Variants in ZHX2 observed in about 807,000 individuals in gnomAD.
The protein encoded by ZHX2 is zinc fingers and homeoboxes 2, also known as zinc fingers and homeoboxes protein 2.
A neutral mutation model predicts 21.9 loss-of-function variants in ZHX2; 6 were observed. That is an observed-to-expected ratio of 0.27 (90% CI 0.15 to 0.54). The LOEUF (loss-of-function observed/expected upper bound fraction) is 0.54. Among genes scored for constraint, ZHX2 ranks in the 20% least tolerant of loss-of-function variants. ZHX2 has a pLI of 0.95. For synonymous variants in ZHX2, 434 were observed against 437.1 expected (o/e 0.99, Z 0.09); for missense variants, 908 against 1,090.7 (o/e 0.83, Z 2.36).
intron 1 of ZHX2, among the ~76,000 whole-genome samples, chr8:122,786,319 A>G (rs1817394699): frequency 1.3e-5 from 2 of 152,168 alleles, no homozygotes; most frequent in African/African-American, 4.8e-5. Flanking sequence ...CATTGCTTTA[A>G]ATCAAGGAGA....
intron 1 of ZHX2, among the ~76,000 whole-genome samples, chr8:122,819,641 G>C (rs1174985620): frequency 2.0e-5 from 3 of 152,216 alleles, no homozygotes; most frequent in African/African-American, 4.8e-5. Flanking sequence ...TGAAATTGGA[G>C]GGGGTGTCCT....
chr8:122,933,547 T>TG (rs1421219909), intron 2 of ZHX2, among the ~76,000 whole-genome samples: 1 of 152,106 alleles, frequency 6.6e-6, no homozygotes, highest in Non-Finnish European at 1.5e-5. Context: ...TACGATTCTT[T>TG]CCACACGGAG....
chr8:122,845,861 T>C (rs745846509), intron 1 of ZHX2, among the ~76,000 whole-genome samples: 2 of 152,176 alleles, frequency 1.3e-5, no homozygotes, highest in Non-Finnish European at 2.9e-5. Flanking sequence ...CCACAACACA[T>C]AGGGCCTGGA....
rs779507897 is a variant in ZHX2, at chr8:122,953,687, T to C, written c.2177T>C (p.Val726Ala). The C allele has an allele frequency of 9.3e-6, 15 of 1,614,192 alleles. No individual in the cohort carries two copies. Among genetic ancestry groups the C allele is most frequent in the Non-Finnish European group, 1.1e-5 (13 of 1,180,042 alleles). The part of the protein sequence containing the change: ...MAESPKNGGD[V>A]VPQYYKDPKK... The stretch of plus-strand genomic sequence containing the variant: ...GAGAGCCCAAAGAACGGGGGTGATG[T>C]GGTTCCACAATATTACAAGGACCCC... The change falls in exon 3 of 4, where the codon GTG (valine) becomes GCG (alanine). Residue 726 changes from valine to alanine, a missense_variant. Around this residue, in one of 4 missense-constraint regions of ZHX2, gnomAD observed 431 missense variants for 428.6 expected, o/e 1.01. Transcript: ENST00000314393. This position sits in a 1 kb window ranked among gnomAD's most constrained non-coding sequence, Gnocchi z 4.6.
intron 2 of ZHX2, among the ~76,000 whole-genome samples, chr8:122,890,570 T>C (rs183046190): frequency 9.6e-4 from 147 of 152,332 alleles, no homozygotes; most frequent in African/African-American, 3.2e-3. Context: ...TTAACAATAC[T>C]AATTCTTCTA....
chr8:122,932,269 G>A (rs1242022772), intron 2 of ZHX2, among the ~76,000 whole-genome samples: 1 of 151,806 alleles, frequency 6.6e-6, no homozygotes, highest in Non-Finnish European at 1.5e-5. Flanking sequence ...GCTGCTGTTA[G>A]AAATTACCAC....
intron 2 of ZHX2, among the ~76,000 whole-genome samples, chr8:122,904,536 G>A (rs1461832649): frequency 1.3e-5 from 2 of 152,182 alleles, no homozygotes; most frequent in Admixed American, 6.6e-5. Flanking sequence ...CTCCCAGTCA[G>A]AGAGAGGTAT....
At chr8:122,906,020 G>A (rs768197635) in intron 2 of ZHX2, among the ~76,000 whole-genome samples, 2 of 152,158 alleles carry the variant, frequency 1.3e-5, no homozygotes, top group East Asian at 1.9e-4. Flanking sequence ...CCTCAATTAG[G>A]GAATGAGTTA....
chr8:122,875,737 C>T (rs761790467), intron 2 of ZHX2, among the ~76,000 whole-genome samples: 1 of 152,234 alleles, frequency 6.6e-6, no homozygotes, highest in South Asian at 2.1e-4. Flanking sequence ...GCGGGTCCCC[C>T]GCCCGTGGTT....
chr8:122,827,929 A>G lies in ZHX2; in HGVS notation c.-282-35548A>G, dbSNP rs544844344. ...GGAGTTCAAGACCAGCATGGGCAAC[A>G]TGGCGAGACCCTGCCTCTACAAAAA... On this transcript the variant is annotated intron_variant, in intron 1 of 3. Coordinates refer to ENST00000314393, the MANE Select transcript of ZHX2 (RefSeq NM_014943.5). Among the ~76,000 whole-genome samples, 124 of 152,336 alleles carry G rather than the reference A, an allele frequency of 8.1e-4. 1 individual carries two copies. The highest frequency in any genetic ancestry group is 2.7e-3 in the African/African-American group (113 of 41,584).
intron 1 of ZHX2, among the ~76,000 whole-genome samples, chr8:122,826,430 A>G (rs975810264): frequency 6.6e-5 from 10 of 152,198 alleles, no homozygotes; most frequent in African/African-American, 2.4e-4. Flanking sequence ...GTACCTGCAG[A>G]CTTGCTAAAG....
At chr8:122,881,642 A>G (rs1373184905) in intron 2 of ZHX2, among the ~76,000 whole-genome samples, 1 of 152,190 alleles carries the variant, frequency 6.6e-6, no homozygotes, top group Non-Finnish European at 1.5e-5. Context: ...ATGGGGGTGA[A>G]ACCGCAAAAG....
At position 122,873,033 on chromosome 8, in the gene ZHX2, C is replaced by T. The variant is rs148927818; in HGVS notation, c.-220+9494C>T. On this transcript the variant is annotated intron_variant, in intron 2 of 3. Coordinates refer to ENST00000314393, the MANE Select transcript of ZHX2 (RefSeq NM_014943.5). Reference sequence around the variant, plus strand: ...CCAACTGCTGGAGCCAAAGGGTGCACGGTGCCAACTGGCCAGGCCTGTGTC... The same window carrying T: ...CCAACTGCTGGAGCCAAAGGGTGCATGGTGCCAACTGGCCAGGCCTGTGTC... 9.6e-3 allele frequency among the ~76,000 whole-genome samples: 1,463 copies of T among 152,342 alleles called. 12 individuals carry two copies. The highest frequency in any genetic ancestry group is 0.02 in the Middle Eastern group (6 of 294).
At chr8:122,842,082 C>T (rs1192412449) in intron 1 of ZHX2, among the ~76,000 whole-genome samples, 1 of 152,232 alleles carries the variant, frequency 6.6e-6, no homozygotes, top group Non-Finnish European at 1.5e-5. Context: ...GTGAGAAGGG[C>T]ACTGGCTTTG....
chr8:122,830,253 C>T (rs1465024258), intron 1 of ZHX2, among the ~76,000 whole-genome samples: 6 of 152,186 alleles, frequency 3.9e-5, no homozygotes, highest in Non-Finnish European at 8.8e-5. Flanking sequence ...GTAACTGCTA[C>T]GTTGTACCCA....
At chr8:122,842,858 T>G (rs1224288981) in intron 1 of ZHX2, among the ~76,000 whole-genome samples, 1 of 152,124 alleles carries the variant, frequency 6.6e-6, no homozygotes, top group Non-Finnish European at 1.5e-5. Context: ...CGCTTTGGGG[T>G]TCTCAAACTC....
chr8:122,844,849 A>G (rs1818719314), intron 1 of ZHX2, among the ~76,000 whole-genome samples: 1 of 152,234 alleles, frequency 6.6e-6, no homozygotes, highest in Non-Finnish European at 1.5e-5. Flanking sequence ...AAGGAAACCT[A>G]CTGGGCATCA....
chr8:122,960,828 G>A (rs10108684), intron 3 of ZHX2, among the ~76,000 whole-genome samples: 17,853 of 152,120 alleles, frequency 0.12, 1,547 homozygotes, highest in East Asian at 0.46. Context: ...GAGATGACAT[G>A]GTTCATTGTC....
chr8:122,964,737 G>A (rs1813536398), intron 3 of ZHX2, among the ~76,000 whole-genome samples: 1 of 151,702 alleles, frequency 6.6e-6, no homozygotes, highest in Non-Finnish European at 1.5e-5. Context: ...TTTTTTGAAT[G>A]TCTGATAGAA....
Sources: gnomAD v4.1 joint callset for allele counts (sites outside exome capture counted in the v4.1 genomes callset) on GRCh38, gnomAD v4.1.1 for gene constraint, gnomAD v4.1.1 regional missense constraint, Gnocchi (gnomAD v3.1) non-coding constraint, MANE v1.5 for transcripts, NCBI Gene and HGNC (gene_info 2026-07-23, HGNC 2026-07-21) for gene names.